Variants in FAT3 observed in about 807,000 individuals in gnomAD.
FAT3 encodes protocadherin Fat 3.
FAT3 carries 95 observed loss-of-function variants against 310.2 expected under a neutral mutation model. The observed-to-expected ratio is 0.31, with a 90% CI of 0.26 to 0.36. FAT3 has a LOEUF of 0.36. FAT3 is among the 10% of genes least tolerant of loss of function. The pLI, the probability that FAT3 is intolerant of heterozygous loss-of-function variation, is 1.00. For synonymous variants in FAT3, 2,314 were observed against 2,192.9 expected (o/e 1.06, Z -1.54); for missense variants, 5,408 against 5,715.6 (o/e 0.95, Z 1.74).
At chr11:92,460,147 C>A (rs1047779762) in intron 2 of FAT3, among the ~76,000 whole-genome samples, 1 of 152,020 alleles carries the variant, frequency 6.6e-6, no homozygotes, top group African/African-American at 2.4e-5. Flanking sequence ...CTCTGTAAAG[C>A]GAGTTCTGGG....
chr11:92,338,399 G>A lies in FAT3; in HGVS notation c.-17-13697G>A, dbSNP rs188706508. The stretch of plus-strand genomic sequence containing the variant: ...CTTTGCAGAAGCTGTTGATATTAAG[G>A]AGAGGCATTTAAAATCTGTTTAGGT... On this transcript the variant is annotated intron_variant, in intron 1 of 27. Transcript: ENST00000525166. Among the ~76,000 whole-genome samples, 5 of 152,222 alleles carry A rather than the reference G, an allele frequency of 3.3e-5. No individual in the cohort carries two copies. The East Asian group carries it at 7.7e-4, about 24-fold the overall frequency.
intron 1 of FAT3, among the ~76,000 whole-genome samples, chr11:92,250,107 C>T (rs1033411506): frequency 1.3e-5 from 2 of 151,752 alleles, no homozygotes; most frequent in Admixed American, 1.3e-4. Context: ...TGCTCTCTGC[C>T]CCGGACATTT....
At chr11:92,400,886 A>C (rs1450038364) in intron 2 of FAT3, among the ~76,000 whole-genome samples, 1 of 152,168 alleles carries the variant, frequency 6.6e-6, no homozygotes, top group Non-Finnish European at 1.5e-5. Context: ...AATACCATAA[A>C]AACAATCTGC....
Position 92,837,792 on chromosome 11 carries a change from A to G in FAT3, c.10354A>G (p.Thr3452Ala). 6.2e-7 allele frequency: 1 copy of G among 1,613,892 alleles called. No individual in the cohort carries two copies. Among genetic ancestry groups the G allele is most frequent in the Non-Finnish European group, 8.5e-7 (1 of 1,179,860 alleles). The part of the protein sequence containing the change: ...NSPVFTPANY[T>A]AVIQENKPVG... ...CCCGGTGTTTACACCTGCCAACTAT[A>G]CTGCTGTGATTCAGGTGAGAAAATC... The change falls in exon 17 of 28, where the codon ACT (threonine) becomes GCT (alanine). Residue 3452 changes from threonine (T) to alanine (A), a missense_variant. Transcript: ENST00000525166.
intron 1 of FAT3, among the ~76,000 whole-genome samples, chr11:92,308,633 G>A (rs1417157726): frequency 1.3e-5 from 2 of 152,140 alleles, no homozygotes; most frequent in Non-Finnish European, 2.9e-5. Flanking sequence ...AGAGCCCCTT[G>A]TGAGTTAAGC....
At position 92,800,879 on chromosome 11, in the gene FAT3, T is replaced by A. The variant is rs767970697; in HGVS notation, c.7866T>A (p.Val2622=). The part of the protein sequence containing the change: ...DVGRGHLVTQ[V]QAIDPDDGAN... ...GAAGGGGCCACTTGGTCACTCAAGT[T>A]CAAGCCATAGATCCCGATGATGGAG... is the stretch of plus-strand genomic sequence containing the variant. The change falls in exon 10 of 28, where the codon GTT becomes GTA. Residue 2622 remains valine, a synonymous_variant. Transcript: ENST00000525166. 1 of 1,613,242 alleles carries A rather than the reference T, an allele frequency of 6.2e-7. No individual in the cohort carries two copies. The highest frequency in any genetic ancestry group is 2.2e-5 in the East Asian group (1 of 44,792).
At chr11:92,318,398 A>G (rs544743529) in intron 1 of FAT3, among the ~76,000 whole-genome samples, 5 of 152,200 alleles carry the variant, frequency 3.3e-5, no homozygotes, top group Non-Finnish European at 7.3e-5. Flanking sequence ...GGGGTTAGCA[A>G]TGGCAGTATG....
At chr11:92,420,660 C>G (rs1047650475) in intron 2 of FAT3, among the ~76,000 whole-genome samples, 3 of 152,122 alleles carry the variant, frequency 2.0e-5, no homozygotes, top group Non-Finnish European at 2.9e-5. Flanking sequence ...TCTACAGATT[C>G]CAGGACTATG....
chr11:92,361,466 G>A (rs780632594), intron 2 of FAT3, among the ~76,000 whole-genome samples: 1 of 151,176 alleles, frequency 6.6e-6, no homozygotes, highest in Non-Finnish European at 1.5e-5. Context: ...TTCCACCCTC[G>A]TGAATGGGAT....
chr11:92,402,930 A>T (rs1324958048), intron 2 of FAT3, among the ~76,000 whole-genome samples: 3 of 152,134 alleles, frequency 2.0e-5, no homozygotes, highest in African/African-American at 7.2e-5. Context: ...AAGAGAAAAA[A>T]CCTTAAAGGA....
At chr11:92,368,869 TAC>T (rs1179098077) in intron 2 of FAT3, among the ~76,000 whole-genome samples, 1 of 141,692 alleles carries the variant, frequency 7.1e-6, no homozygotes, top group African/African-American at 2.9e-5. Flanking sequence ...CATATATATA[TAC>T]ACACATATAC....
intron 3 of FAT3, among the ~76,000 whole-genome samples, chr11:92,543,300 T>C (rs776344842): frequency 3.9e-5 from 6 of 152,198 alleles, no homozygotes; most frequent in Non-Finnish European, 5.9e-5. Context: ...TATTGCATTA[T>C]ATATTTCAAA....
At position 92,890,878 on chromosome 11, in the gene FAT3, G is replaced by A. The variant is rs138992782; in HGVS notation, c.13535G>A (p.Cys4512Tyr). Reference sequence around the variant, plus strand: ...GATTTGGTGGGCCCGCCTGCCAGCTGTGAATTTAGTACTTTTGCTGTGAGC... The same window carrying A: ...GATTTGGTGGGCCCGCCTGCCAGCTATGAATTTAGTACTTTTGCTGTGAGC... ...ETDLVGPPAS[C>Y]EFSTFAVSMN... The change falls in exon 28 of 28, where the codon TGT becomes TAT. Residue 4512 changes from cysteine to tyrosine, a missense_variant. This residue lies in a region of FAT3 where 649 missense variants were observed against 666.2 expected (regional missense o/e 0.97). Transcript: ENST00000525166. 3 of 1,614,008 alleles carry A rather than the reference G, an allele frequency of 1.9e-6. No individual in the cohort carries two copies. Among genetic ancestry groups the A allele is most frequent in the South Asian group, 1.1e-5 (1 of 91,076 alleles).
At chr11:92,535,565 A>G (rs143338713) in intron 3 of FAT3, among the ~76,000 whole-genome samples, 84 of 152,264 alleles carry the variant, frequency 5.5e-4, no homozygotes, top group Non-Finnish European at 9.8e-4. Flanking sequence ...CTAGTGCAGT[A>G]CTCTTTTCAC....
chr11:92,333,872 G>A (rs1006513390), intron 1 of FAT3, among the ~76,000 whole-genome samples: 1 of 151,720 alleles, frequency 6.6e-6, no homozygotes, highest in African/African-American at 2.4e-5. Flanking sequence ...CTTTAATCAA[G>A]GCCCTTCTTT....
chr11:92,731,187 T>C (rs1323092457), intron 4 of FAT3, among the ~76,000 whole-genome samples: 1 of 152,224 alleles, frequency 6.6e-6, no homozygotes, highest in Admixed American at 6.5e-5. Context: ...GATGTTTTGC[T>C]TTCCAGTTAC....
chr11:92,508,161 A>G (rs1377598739), intron 2 of FAT3, among the ~76,000 whole-genome samples: 1 of 152,126 alleles, frequency 6.6e-6, no homozygotes, highest in African/African-American at 2.4e-5. Flanking sequence ...TTTGTGTTTC[A>G]CTTCCATTAC....
At chr11:92,233,983 A>G (rs1864304536) in intron 1 of FAT3, among the ~76,000 whole-genome samples, 1 of 152,222 alleles carries the variant, frequency 6.6e-6, no homozygotes, top group Non-Finnish European at 1.5e-5. Flanking sequence ...AGAAAGAGGG[A>G]GATGCAGGTA....
chr11:92,857,443 G>A lies in FAT3; in HGVS notation c.11500+95G>A, dbSNP rs1374022351. On this transcript the variant is annotated intron_variant, in intron 20 of 27. Transcript: ENST00000525166. ...CACCATCCAAGTCCTCCCAGAAAAC[G>A]TTTCTTTATGCATGCAACCTTTTCC... 5.9e-6 allele frequency: 9 copies of A among 1,531,276 alleles called. No homozygotes were observed. The South Asian group carries it at 6.2e-5, about 11-fold the overall frequency. 94.9% of individuals were successfully genotyped at this position (1,531,276 alleles called of 1,614,324 possible). A position where few individuals can be genotyped will look rare whatever the true frequency, so the allele number is the denominator to read the frequency against.
Sources: gnomAD v4.1 joint callset for allele counts (sites outside exome capture counted in the v4.1 genomes callset) on GRCh38, gnomAD v4.1.1 for gene constraint, gnomAD v4.1.1 regional missense constraint, MANE v1.5 for transcripts, NCBI Gene and HGNC (gene_info 2026-07-23, HGNC 2026-07-21) for gene names.